Variants in ERGIC1 observed in about 807,000 individuals in gnomAD.
ERGIC1 encodes the protein endoplasmic reticulum-golgi intermediate compartment 1.
In ERGIC1, 19 loss-of-function variants were observed where a neutral mutation model predicts 38.3. The observed-to-expected ratio is 0.50, with a 90% CI of 0.35 to 0.73. The LOEUF is 0.73. ERGIC1 is among the 30% of genes least tolerant of loss of function. The probability of loss-of-function intolerance (pLI) is 0.01; values close to 1 mark genes in which losing one functional copy is unlikely to be tolerated. For missense variants in ERGIC1, 294 were observed against 389.2 expected (o/e 0.76, Z 2.06); for synonymous variants, 124 against 157.6 (o/e 0.79, Z 1.60).
intron 1 of ERGIC1, among the ~76,000 whole-genome samples, chr5:172,883,898 G>T (rs1000520434): frequency 6.6e-6 from 1 of 152,134 alleles, no homozygotes; most frequent in Non-Finnish European, 1.5e-5. Flanking sequence ...TGGGAGGATC[G>T]CCTGAGCCTT....
At chr5:172,877,697 T>G (rs1762182045) in intron 1 of ERGIC1, among the ~76,000 whole-genome samples, 1 of 152,150 alleles carries the variant, frequency 6.6e-6, no homozygotes, top group Non-Finnish European at 1.5e-5. Flanking sequence ...TATCACCCTC[T>G]GCGTTATGGG....
chr5:172,893,894 T>TACACAC (rs1177879942), intron 2 of ERGIC1, among the ~76,000 whole-genome samples: 14 of 32,164 alleles, frequency 4.4e-4, no homozygotes, highest in African/African-American at 1.1e-3. Flanking sequence ...TATATATATA[T>TACACAC]ATATATATAT....
chr5:172,875,194 G>A (rs1762114267), intron 1 of ERGIC1, among the ~76,000 whole-genome samples: 1 of 152,200 alleles, frequency 6.6e-6, no homozygotes, highest in African/African-American at 2.4e-5. Context: ...ACTAGAAGAG[G>A]TTTAAATAAG....
intron 1 of ERGIC1, among the ~76,000 whole-genome samples, chr5:172,883,379 T>C (rs754783932): frequency 1.3e-5 from 2 of 152,196 alleles, no homozygotes; most frequent in Admixed American, 6.5e-5. Flanking sequence ...CAGGATCTCA[T>C]TGGATTTAGT....
intron 1 of ERGIC1, among the ~76,000 whole-genome samples, chr5:172,851,726 T>C (rs1204958878): frequency 6.6e-6 from 1 of 151,958 alleles, no homozygotes; most frequent in Non-Finnish European, 1.5e-5. Flanking sequence ...ATGAGGACAG[T>C]CTTCCAGTGT....
intron 1 of ERGIC1, among the ~76,000 whole-genome samples, chr5:172,877,055 C>T (rs1429440213): frequency 1.3e-5 from 2 of 152,108 alleles, no homozygotes; most frequent in African/African-American, 4.8e-5. Context: ...CAAAGATATT[C>T]CCTTATGTTT....
In ERGIC1 at chr5:172,834,445, G is replaced by A; in HGVS notation, c.20+12G>A. 1 of 1,325,450 alleles carries A rather than the reference G, an allele frequency of 7.5e-7. No homozygotes were observed. The highest frequency in any genetic ancestry group is 9.7e-7 in the Non-Finnish European group (1 of 1,032,812). The allele number at this position is 1,325,450 out of a possible 1,614,324, so 82.1% of individuals were successfully genotyped here. A position where few individuals can be genotyped will look rare whatever the true frequency, so the allele number is the denominator to read the frequency against. On this transcript the variant is annotated intron_variant, in intron 1 of 9. Coordinates refer to ENST00000393784, the MANE Select transcript of ERGIC1 (RefSeq NM_001031711.3). The surrounding 1 kb of genome is among the most constrained non-coding windows in gnomAD (Gnocchi z 4.1). ...TTTGACTTCAGGAGGTGAGTGTGGC[G>A]ACCCCGGCCAGTCGGGAGTTCCCTC...
intron 3 of ERGIC1, among the ~76,000 whole-genome samples, chr5:172,904,186 C>T (rs1053231895): frequency 8.5e-5 from 13 of 152,142 alleles, no homozygotes; most frequent in African/African-American, 2.9e-4. Context: ...GTGTAACTTA[C>T]ATACAGCAAA....
At chr5:172,884,570 T>G (rs1018661509) in intron 1 of ERGIC1, among the ~76,000 whole-genome samples, 2 of 152,220 alleles carry the variant, frequency 1.3e-5, no homozygotes, top group African/African-American at 4.8e-5. Context: ...CTTCTTGTCC[T>G]TTTGACATGT....
In ERGIC1 at chr5:172,846,138, G is replaced by T. The variant is rs1006570188; in HGVS notation, c.20+11705G>T. The stretch of plus-strand genomic sequence containing the variant: ...ATGGCATCCATTTGACCTCTCTGGC[G>T]ATGTCGGCCTTCAGTACCTGGTTAA... On this transcript the variant is annotated intron_variant, in intron 1 of 9. Coordinates refer to ENST00000393784, the MANE Select transcript of ERGIC1 (RefSeq NM_001031711.3). The surrounding 1 kb of genome is among the most constrained non-coding windows in gnomAD (Gnocchi z 4.0). Among the ~76,000 whole-genome samples, 2 of 152,148 alleles carry T rather than the reference G, an allele frequency of 1.3e-5. No homozygotes were observed. The highest frequency in any genetic ancestry group is 2.4e-5 in the African/African-American group (1 of 41,430).
chr5:172,884,769 G>C (rs1332073517), intron 1 of ERGIC1, among the ~76,000 whole-genome samples: 1 of 152,170 alleles, frequency 6.6e-6, no homozygotes, highest in Admixed American at 6.5e-5. Context: ...TGTTGCTGTT[G>C]CTGGATCTTC....
chr5:172,851,116 C>T (rs1761392175), intron 1 of ERGIC1, among the ~76,000 whole-genome samples: 1 of 149,650 alleles, frequency 6.7e-6, no homozygotes, highest in Admixed American at 6.6e-5. Context: ...CAGGAGAATC[C>T]CTTGAACCCG....
intron 4 of ERGIC1, among the ~76,000 whole-genome samples, chr5:172,912,451 G>A (rs890206015): frequency 7.9e-5 from 12 of 152,300 alleles, no homozygotes; most frequent in Non-Finnish European, 1.0e-4. Flanking sequence ...GCGATGGCGC[G>A]ATCTTAGCTC....
At chr5:172,879,573 G>T (rs1217682467) in intron 1 of ERGIC1, among the ~76,000 whole-genome samples, 1 of 152,044 alleles carries the variant, frequency 6.6e-6, no homozygotes, top group East Asian at 1.9e-4. Flanking sequence ...CCTTTGCTTT[G>T]TTTTTTTTCC....
At chr5:172,863,588 A>G (rs752003) in intron 1 of ERGIC1, among the ~76,000 whole-genome samples, 138,181 of 152,224 alleles carry the variant, frequency 0.91, 63,886 homozygotes, top group East Asian at 1. Flanking sequence ...TCAAGTCAGC[A>G]TTTTTGTTGG....
At chr5:172,871,106 A>G (rs1355302318) in intron 1 of ERGIC1, among the ~76,000 whole-genome samples, 1 of 152,212 alleles carries the variant, frequency 6.6e-6, no homozygotes, top group African/African-American at 2.4e-5. Flanking sequence ...CAGTGACATC[A>G]ATCATCGCAT....
chr5:172,868,555 G>A (rs1450759752), intron 1 of ERGIC1, among the ~76,000 whole-genome samples: 1 of 152,242 alleles, frequency 6.6e-6, no homozygotes, highest in Non-Finnish European at 1.5e-5. Context: ...GCGGGAGGGA[G>A]GGATGAATAG....
chr5:172,909,542 C>T, intron 3 of ERGIC1, 125 bp from the exon 4 acceptor site: 1 of 821,262 alleles, frequency 1.2e-6, no homozygotes, highest in Non-Finnish European at 2.1e-6. Flanking sequence ...GGTGCAGGCT[C>T]TGCCCAGGTG....
At chr5:172,887,459 C>T (rs1387288763) in intron 1 of ERGIC1, among the ~76,000 whole-genome samples, 6 of 152,214 alleles carry the variant, frequency 3.9e-5, no homozygotes, top group Admixed American at 2.6e-4. Context: ...TCCGTGGCCT[C>T]ACAGGGTCTA....
Sources: allele counts gnomAD v4.1 joint callset (sites outside exome capture counted in the v4.1 genomes callset), GRCh38; gene constraint gnomAD v4.1.1; non-coding constraint Gnocchi (gnomAD v3.1); transcripts MANE v1.5; gene names NCBI Gene and HGNC (gene_info 2026-07-23, HGNC 2026-07-21).